Variants in MAPKAP1 observed in about 807,000 individuals in gnomAD.
MAPKAP1 encodes MAPK associated protein 1, also known as target of rapamycin complex 2 subunit MAPKAP1.
A neutral mutation model predicts 65.7 loss-of-function variants in MAPKAP1; 20 were observed. That is an observed-to-expected ratio of 0.30 (90% CI 0.21 to 0.44). MAPKAP1 has a LOEUF of 0.44. MAPKAP1 is among the 20% of genes least tolerant of loss of function. The probability of loss-of-function intolerance (pLI) is 1.00; values close to 1 mark genes in which losing one functional copy is unlikely to be tolerated. For missense variants in MAPKAP1, 423 were observed against 648.0 expected, an observed-to-expected ratio of 0.65 and a Z score of 3.77; for synonymous variants, 222 against 244.3, an observed-to-expected ratio of 0.91 and a Z score of 0.85.
chr9:125,478,454 A>C (rs1854188711), intron 9 of MAPKAP1, among the ~76,000 whole-genome samples: 1 of 152,088 alleles, frequency 6.6e-6, no homozygotes, highest in Non-Finnish European at 1.5e-5. Flanking sequence ...CAGCCTCCTA[A>C]GTAGCTAGGA....
At chr9:125,632,677 T>C (rs1050978890) in intron 4 of MAPKAP1, among the ~76,000 whole-genome samples, 1 of 152,226 alleles carries the variant, frequency 6.6e-6, no homozygotes, top group Non-Finnish European at 1.5e-5. Flanking sequence ...GCCTTCTGCC[T>C]TCCACAAGTG....
At chr9:125,598,329 T>C (rs2131604963) in intron 4 of MAPKAP1, among the ~76,000 whole-genome samples, 1 of 152,348 alleles carries the variant, frequency 6.6e-6, no homozygotes, top group Middle Eastern at 3.4e-3. Context: ...CTGGTACCTG[T>C]AGTCAAATTA....
chr9:125,452,882 ACT>A (rs1023779852), intron 10 of MAPKAP1, among the ~76,000 whole-genome samples: 10 of 152,028 alleles, frequency 6.6e-5, no homozygotes, highest in African/African-American at 9.7e-5. Context: ...ACACAGCGGG[ACT>A]CTGTCTCAAA....
intron 8 of MAPKAP1, among the ~76,000 whole-genome samples, chr9:125,503,874 G>C (rs1176116537): frequency 3.0e-5 from 3 of 100,476 alleles, no homozygotes; most frequent in Admixed American, 2.2e-4. Flanking sequence ...CCGCCACCAC[G>C]CTTGGCTTTT....
At chr9:125,677,307 T>C (rs1028699935) in intron 1 of MAPKAP1, among the ~76,000 whole-genome samples, 2 of 151,880 alleles carry the variant, frequency 1.3e-5, no homozygotes, top group African/African-American at 2.4e-5. Context: ...GCGAGGAGGC[T>C]AAGGTGGAAG....
chr9:125,585,662 G>A lies in MAPKAP1; in HGVS notation c.564C>T (p.Asp188=), dbSNP rs140339829. The change falls in exon 5 of 12, where the codon GAC becomes GAT. Residue 188 remains aspartate, a synonymous_variant. Coordinates refer to ENST00000265960, the MANE Select transcript of MAPKAP1 (RefSeq NM_001006617.3). ...TCACCACGGTCATTGGCAGCAGTCT[G>A]TCCTGGCTCGAGTGCAGAGGGAGGT... is the stretch of plus-strand genomic sequence containing the variant. ...DVYLPLHSSQ[D]RLLPMTVVTM... is the part of the protein sequence containing the mutation. 1.2e-3 allele frequency: 1,893 copies of A among 1,614,218 alleles called. 1 individual carries two copies. The highest frequency in any genetic ancestry group is 1.5e-3 in the Non-Finnish European group (1,787 of 1,180,042).
At chr9:125,630,009 G>A (rs1564592098) in intron 4 of MAPKAP1, among the ~76,000 whole-genome samples, 1 of 152,174 alleles carries the variant, frequency 6.6e-6, no homozygotes, top group Non-Finnish European at 1.5e-5. Flanking sequence ...AAGTAGGATG[G>A]AAGTGCACTG....
intron 4 of MAPKAP1, among the ~76,000 whole-genome samples, chr9:125,620,890 T>G (rs74675342): frequency 2.5e-5 from 2 of 80,422 alleles, no homozygotes; most frequent in Admixed American, 1.2e-4. Context: ...CAGGAGGGAG[T>G]GAGACATGTT....
intron 6 of MAPKAP1, among the ~76,000 whole-genome samples, chr9:125,551,157 G>A (rs748430097): frequency 2.6e-5 from 4 of 152,150 alleles, no homozygotes; most frequent in Non-Finnish European, 5.9e-5. Context: ...AACTGAATGA[G>A]TGTGTGAAAA....
chr9:125,685,814 C>T (rs567676163), intron 1 of MAPKAP1, among the ~76,000 whole-genome samples: 115 of 152,266 alleles, frequency 7.6e-4, no homozygotes, highest in African/African-American at 2.4e-3. Flanking sequence ...ACAACAGGTG[C>T]ATCTTTCTTG....
At chr9:125,482,054 C>T (rs1276183960) in intron 9 of MAPKAP1, among the ~76,000 whole-genome samples, 1 of 150,544 alleles carries the variant, frequency 6.6e-6, no homozygotes, top group Admixed American at 6.6e-5. Context: ...ATCACTTGAA[C>T]CCAGGAGGCA....
chr9:125,691,182 A>C (rs866548261), intron 1 of MAPKAP1, among the ~76,000 whole-genome samples: 31 of 152,240 alleles, frequency 2.0e-4, no homozygotes, highest in Admixed American at 1.5e-3. Flanking sequence ...AATGGCGTGA[A>C]CCTGGGAGGC....
At position 125,438,463 on chromosome 9, in the gene MAPKAP1, C is replaced by G; in HGVS notation, c.*424G>C. On this transcript the variant is annotated 3_prime_UTR_variant, in exon 12 of 12. Transcript: ENST00000265960. ...CGCCCCAAAGAATGGTCCATCATAC[C>G]AACCATGATAAAGAGTACACCTGTT... The G allele has an allele frequency of 2.5e-6, 1 of 401,074 alleles. No homozygotes were observed. Among genetic ancestry groups the G allele is most frequent in the Non-Finnish European group, 4.4e-6 (1 of 227,426 alleles). 24.8% of individuals were successfully genotyped at this position (401,074 alleles called of 1,614,324 possible). A position where few individuals can be genotyped will look rare whatever the true frequency, so the allele number is the denominator to read the frequency against.
rs1315810406 is a variant in MAPKAP1 at position 125,447,446 on chromosome 9, A to T, written c.1346-2848T>A. The T allele has an allele frequency of 2.2e-6, 1 of 456,558 alleles. No homozygotes were observed. Among genetic ancestry groups the T allele is most frequent in the Non-Finnish European group, 4.4e-6 (1 of 226,976 alleles). 28.3% of individuals were successfully genotyped at this position (456,558 alleles called of 1,614,324 possible). ...GAGGCACGGTGGACAGCCACAGCAGACAGCCCCCTCTTGCTCTCTGCAAGG... is the reference window on the plus strand; with the variant it reads ...GAGGCACGGTGGACAGCCACAGCAGTCAGCCCCCTCTTGCTCTCTGCAAGG... On this transcript the variant is annotated intron_variant, in intron 10 of 11. Coordinates refer to ENST00000265960, the MANE Select transcript of MAPKAP1 (RefSeq NM_001006617.3). The surrounding 1 kb of genome is among the most constrained non-coding windows in gnomAD (Gnocchi z 4.5).
chr9:125,557,621 T>C (rs569835316), intron 6 of MAPKAP1, among the ~76,000 whole-genome samples: 39 of 151,408 alleles, frequency 2.6e-4, no homozygotes, highest in African/African-American at 9.1e-4. Context: ...GGTATATAGA[T>C]AATGACCATC....
chr9:125,565,741 CAAAAAAAAAAA>C (rs71374275), intron 5 of MAPKAP1: 53 of 149,008 alleles, frequency 3.6e-4, no homozygotes, highest in East Asian at 9.7e-4. Context: ...TTCTCTCCTG[CAAAAAAAAAAA>C]AAAAAAAAAA....
intron 8 of MAPKAP1, among the ~76,000 whole-genome samples, chr9:125,487,110 A>C (rs1288375270): frequency 6.6e-6 from 1 of 152,200 alleles, no homozygotes; most frequent in African/African-American, 2.4e-5. Context: ...TGCCATGTCC[A>C]CAGGAAGGTG....
intron 9 of MAPKAP1, among the ~76,000 whole-genome samples, chr9:125,483,414 C>G (rs761263509): frequency 6.6e-6 from 1 of 152,132 alleles, no homozygotes; most frequent in Non-Finnish European, 1.5e-5. Context: ...AGGCCTCTTA[C>G]GAGTTAGCCA....
chr9:125,693,752 CATATATACACGTATATACACAT>C (rs1564620429), intron 1 of MAPKAP1, among the ~76,000 whole-genome samples: 1 of 148,722 alleles, frequency 6.7e-6, no homozygotes, highest in African/African-American at 2.6e-5. Context: ...TATATATACA[CATATATACACGTATATACACAT>C]ATATACACGT....
Sources: gnomAD v4.1 joint callset for allele counts (sites outside exome capture counted in the v4.1 genomes callset) on GRCh38, gnomAD v4.1.1 for gene constraint, Gnocchi (gnomAD v3.1) non-coding constraint, MANE v1.5 for transcripts, NCBI Gene and HGNC (gene_info 2026-07-23, HGNC 2026-07-21) for gene names.